Variants in GPCPD1 observed in about 807,000 individuals in gnomAD.
GPCPD1 encodes glycerophosphocholine phosphodiesterase GPCPD1.
In GPCPD1, 29 loss-of-function variants were observed where a neutral mutation model predicts 89.2. The observed-to-expected ratio is 0.33, with a 90% CI of 0.24 to 0.44. The LOEUF (loss-of-function observed/expected upper bound fraction) is 0.44, where lower values mean the gene tolerates loss of function less well. Among genes scored for constraint, GPCPD1 ranks in the 20% least tolerant of loss-of-function variants. The pLI, the probability that GPCPD1 is intolerant of heterozygous loss-of-function variation, is 1.00. For synonymous variants in GPCPD1, 258 were observed against 266.3 expected (o/e 0.97, Z 0.30); for missense variants, 594 against 808.9 (o/e 0.73, Z 3.22).
intron 3 of GPCPD1, among the ~76,000 whole-genome samples, chr20:5,596,971 T>A (rs143871987): frequency 6.6e-6 from 1 of 152,170 alleles, no homozygotes; most frequent in African/African-American, 2.4e-5. Context: ...TTTGACCAAG[T>A]TGGCTGAAAC....
At chr20:5,573,023 C>T (rs2122647006) in intron 11 of GPCPD1, among the ~76,000 whole-genome samples, 1 of 152,084 alleles carries the variant, frequency 6.6e-6, no homozygotes, top group South Asian at 2.1e-4. Context: ...AGGTATGAGC[C>T]ACCACACTCA....
intron 1 of GPCPD1, among the ~76,000 whole-genome samples, chr20:5,608,611 T>C (rs1980751452): frequency 1.1e-5 from 1 of 91,222 alleles, no homozygotes; most frequent in Non-Finnish European, 2.1e-5. Flanking sequence ...CACCTTCTTC[T>C]AAACAAGGAA....
In GPCPD1 at chr20:5,545,293, T is replaced by A. The variant is rs978256441; in HGVS notation, c.*2368A>T. ...TCATTTTCCACCATGTTCCAAGCACTGTGAAAATAAAAATGACTATGACAA... is the reference window on the plus strand; with the variant it reads ...TCATTTTCCACCATGTTCCAAGCACAGTGAAAATAAAAATGACTATGACAA... On this transcript the variant is annotated 3_prime_UTR_variant, in exon 20 of 20. Transcript: ENST00000379019. 2 of 152,096 alleles carry A rather than the reference T, an allele frequency of 1.3e-5. No homozygotes were observed. The highest frequency in any genetic ancestry group is 2.9e-5 in the Non-Finnish European group (2 of 68,026). The allele number at this position is 152,096 out of a possible 1,614,324, so 9.4% of individuals were successfully genotyped here.
At chr20:5,609,085 G>C (rs541715845) in intron 1 of GPCPD1, among the ~76,000 whole-genome samples, 1 of 152,298 alleles carries the variant, frequency 6.6e-6, no homozygotes, top group East Asian at 1.9e-4. Context: ...AAGGTAAAGG[G>C]ACATTCACTT....
chr20:5,589,383 G>A (rs182403607), intron 4 of GPCPD1, among the ~76,000 whole-genome samples: 1 of 152,256 alleles, frequency 6.6e-6, no homozygotes, highest in Admixed American at 6.5e-5. Context: ...AGGTCAAAGC[G>A]GGTGGATCAC....
Position 5,598,734 on chromosome 20 carries a change from G to C in GPCPD1, c.137C>G (p.Thr46Arg). ...ACATTTCCATACTCACCTTTCACCT[G>C]TGTCATTCTCTGGAAGAAGAGCCAC... Reference protein sequence around the residue: ...NAVALLPENDTGESMLWKATI... With the variant: ...NAVALLPENDRGESMLWKATI... Residue 46 changes from threonine (T) to arginine (R), a missense_variant, in exon 3 of 20, where the codon ACA becomes AGA. By Grantham distance (71) the Thr-to-Arg change is moderately conservative. Coordinates refer to ENST00000379019, the MANE Select transcript of GPCPD1 (RefSeq NM_019593.5). 1 of 1,596,546 alleles carries C rather than the reference G, an allele frequency of 6.3e-7. No homozygotes were observed. Among genetic ancestry groups the C allele is most frequent in the Non-Finnish European group, 8.6e-7 (1 of 1,164,004 alleles).
At chr20:5,589,646 A>C (rs1979187332) in intron 4 of GPCPD1, among the ~76,000 whole-genome samples, 2 of 152,182 alleles carry the variant, frequency 1.3e-5, no homozygotes, top group South Asian at 4.1e-4. Flanking sequence ...GGAAATTCAA[A>C]ATCTCAGTGA....
chr20:5,560,155 G>A (rs1448122650), intron 16 of GPCPD1, 79 bp from the exon 17 acceptor site: 1 of 1,022,076 alleles, frequency 9.8e-7, no homozygotes, highest in Non-Finnish European at 1.4e-6. Context: ...ATTCTGGCAA[G>A]CTATGATGAA....
At chr20:5,603,047 C>T (rs1980283728) in intron 2 of GPCPD1, among the ~76,000 whole-genome samples, 1 of 148,868 alleles carries the variant, frequency 6.7e-6, no homozygotes, top group African/African-American at 2.5e-5. Context: ...TAATCCAGCA[C>T]TTTGGGAGGC....
chr20:5,562,582 G>T (rs1219100476), intron 15 of GPCPD1, among the ~76,000 whole-genome samples: 1 of 152,084 alleles, frequency 6.6e-6, no homozygotes, highest in Non-Finnish European at 1.5e-5. Context: ...GTGCCCGGCA[G>T]ATTATTTTAG....
intron 17 of GPCPD1, among the ~76,000 whole-genome samples, chr20:5,559,155 C>T (rs1328002498): frequency 1.3e-5 from 2 of 151,210 alleles, no homozygotes; most frequent in East Asian, 3.9e-4. Context: ...GAGCCGAGAT[C>T]ACACCACTGC....
intron 11 of GPCPD1, among the ~76,000 whole-genome samples, chr20:5,573,347 A>C (rs1015547967): frequency 2.0e-5 from 3 of 152,110 alleles, no homozygotes; most frequent in African/African-American, 7.2e-5. Context: ...CGGCCTCCCA[A>C]AGTGCTGGGA....
chr20:5,596,327 G>A (rs906358435), intron 3 of GPCPD1, among the ~76,000 whole-genome samples: 26 of 152,102 alleles, frequency 1.7e-4, no homozygotes, highest in African/African-American at 6.3e-4. Flanking sequence ...AGGAGTTTGA[G>A]GTTAGAGTGA....
At chr20:5,561,402 A>C in intron 16 of GPCPD1, 63 bp downstream of exon 16, 5 of 865,524 alleles carry the variant, frequency 5.8e-6, no homozygotes, top group Middle Eastern at 2.2e-4. Context: ...CAAAGACAGG[A>C]ATGAAAGAAT....
At chr20:5,610,421 C>T (rs749854670) in intron 1 of GPCPD1, among the ~76,000 whole-genome samples, 6 of 152,050 alleles carry the variant, frequency 3.9e-5, no homozygotes, top group Non-Finnish European at 7.4e-5. Context: ...GGACAGAGAG[C>T]GGCGGTGAGC....
At chr20:5,570,089 T>G (rs1600738159) in intron 12 of GPCPD1, 58 bp downstream of exon 12, 1 of 754,908 alleles carries the variant, frequency 1.3e-6, no homozygotes, top group East Asian at 2.6e-5. Context: ...AAAAACTTCC[T>G]AGTTTTTAAA....
intron 15 of GPCPD1, among the ~76,000 whole-genome samples, chr20:5,562,375 G>A (rs571352446): frequency 6.6e-6 from 1 of 152,214 alleles, no homozygotes; most frequent in East Asian, 1.9e-4. Flanking sequence ...CTCCACCTCT[G>A]GGGTTCAAGC....
At chr20:5,594,272 T>C (rs1979541728) in intron 3 of GPCPD1, among the ~76,000 whole-genome samples, 1 of 152,052 alleles carries the variant, frequency 6.6e-6, no homozygotes, top group Non-Finnish European at 1.5e-5. Flanking sequence ...CAGTAACCTG[T>C]ATTTTAACAA....
At chr20:5,549,122 G>A (rs1985215825) in intron 19 of GPCPD1, 4 of 647,276 alleles carry the variant, frequency 6.2e-6, no homozygotes, top group Admixed American at 3.8e-5. Context: ...GGATGGTGTT[G>A]AGCCCATGTG....
Sources: allele counts gnomAD v4.1 joint callset (sites outside exome capture counted in the v4.1 genomes callset), GRCh38; gene constraint gnomAD v4.1.1; transcripts MANE v1.5; gene names NCBI Gene and HGNC (gene_info 2026-07-23, HGNC 2026-07-21).